The following CFAP45 variants were observed in gnomAD, a reference collection of about 807,000 sequenced individuals.
The protein encoded by CFAP45 is cilia and flagella associated protein 45.
A neutral mutation model predicts 75.6 loss-of-function variants in CFAP45; 43 were observed. The observed-to-expected ratio is 0.57, with a 90% CI of 0.45 to 0.73. The LOEUF is 0.73. Among genes scored for constraint, CFAP45 ranks in the 30% least tolerant of loss-of-function variants. The pLI is 0.00. For missense variants in CFAP45, 689 were observed against 701.5 expected (o/e 0.98, Z 0.20); for synonymous variants, 223 against 244.6 (o/e 0.91, Z 0.82).
At chr1:159,885,078 GGGA>G (rs1024650205) in intron 6 of CFAP45, among the ~76,000 whole-genome samples, 1 of 152,158 alleles carries the variant, frequency 6.6e-6, no homozygotes, top group Non-Finnish European at 1.5e-5. Flanking sequence ...CTGGAAGAAC[GGGA>G]GAAGACACAT....
Position 159,888,385 on chromosome 1 carries a change from G to T in CFAP45, c.384C>A (p.Asp128Glu). 1 of 1,613,902 alleles carries T rather than the reference G, an allele frequency of 6.2e-7. No individual in the cohort carries two copies. The highest frequency in any genetic ancestry group is 1.1e-5 in the South Asian group (1 of 91,074). ...VLTREELEAR[D>E]QAFKKEKEAT... ...CTTCCTTCTCCTTCTTGAAGGCCTG[G>T]TCCCTGGCCTCAAGTTCTTCTCTGG... The change falls in exon 4 of 12, where the codon GAC becomes GAA. Residue 128 changes from aspartate (D) to glutamate (E), a missense_variant. Asp to Glu is a conservative substitution (Grantham distance 45). Transcript: ENST00000368099.
At chr1:159,888,567 G>T (rs912598252) in intron 3 of CFAP45, 71 bp from the exon 4 acceptor site, 28 of 1,405,644 alleles carry the variant, frequency 2.0e-5, no homozygotes, top group Non-Finnish European at 2.8e-5. Flanking sequence ...AGGCTTCTCT[G>T]CTCTCTTCCC....
chr1:159,890,079 G>A (rs1649789689), intron 3 of CFAP45, among the ~76,000 whole-genome samples: 1 of 152,170 alleles, frequency 6.6e-6, no homozygotes. Context: ...TAGGCATCTG[G>A]TCAGTTTCCC....
chr1:159,891,061 G>A (rs1456831172), intron 2 of CFAP45, among the ~76,000 whole-genome samples: 1 of 152,140 alleles, frequency 6.6e-6, no homozygotes, highest in Admixed American at 6.6e-5. Flanking sequence ...GCCCAGCCCT[G>A]ACCAGCTTTT....
At chr1:159,887,809 G>C in intron 5 of CFAP45, 32 bp downstream of exon 5, 1 of 1,532,440 alleles carries the variant, frequency 6.5e-7, no homozygotes, top group Non-Finnish European at 8.9e-7. Flanking sequence ...GGCAGTGAAT[G>C]CTCAGAGGGA....
In CFAP45 at chr1:159,891,347, C is replaced by T. The variant is rs143400586; in HGVS notation, c.130-725G>A. On this transcript the variant is annotated intron_variant, in intron 2 of 11. Coordinates refer to ENST00000368099, the MANE Select transcript of CFAP45 (RefSeq NM_012337.3). The stretch of plus-strand genomic sequence containing the variant: ...ATTGGTAATTTTAAATTCTTTCTTA[C>T]GATTAAATTACTTTAACCCCCACAA... 2.1e-3 allele frequency among the ~76,000 whole-genome samples: 327 copies of T among 152,206 alleles called. 2 individuals carry two copies. The South Asian group carries it at 0.023, about 11-fold the overall frequency.
At chr1:159,888,080 C>T in intron 4 of CFAP45, 69 bp from the exon 5 acceptor site, 6 of 1,528,150 alleles carry the variant, frequency 3.9e-6, no homozygotes, top group Non-Finnish European at 5.4e-6. Context: ...GCTAGCCTGG[C>T]TACCACAGGT....
chr1:159,873,350 C>T (rs566600027), intron 10 of CFAP45, 182 bp from the exon 11 acceptor site: 4 of 604,282 alleles, frequency 6.6e-6, no homozygotes, highest in Non-Finnish European at 1.2e-5. Context: ...CACATGCATG[C>T]CCCCTTCTCC....
intron 8 of CFAP45, among the ~76,000 whole-genome samples, chr1:159,878,747 T>C (rs1375206216): frequency 1.1e-4 from 2 of 18,444 alleles, no homozygotes; most frequent in Non-Finnish European, 2.0e-4. Flanking sequence ...AGAGCAAGAC[T>C]ACATCTAAAA....
At position 159,877,410 on chromosome 1, in the gene CFAP45, T is replaced by C. The variant is rs148927436; in HGVS notation, c.1097A>G (p.Glu366Gly). 1.1e-5 allele frequency: 18 copies of C among 1,614,042 alleles called. No homozygotes were observed. The highest frequency in any genetic ancestry group is 5.3e-5 in the African/African-American group (4 of 74,920). ...AEQERIRREK[E>G]KEIARLRAMQ... Reference sequence around the variant, plus strand: ...GGCCCTCAAGCGTGCGATCTCCTTCTCTTTCTCCCTCCGGATTCTCTCCTG... The same window carrying C: ...GGCCCTCAAGCGTGCGATCTCCTTCCCTTTCTCCCTCCGGATTCTCTCCTG... The change falls in exon 9 of 12, where the codon GAG becomes GGG. Residue 366 changes from glutamate (E) to glycine (G), a missense_variant. Transcript: ENST00000368099.
chr1:159,885,145 C>T (rs1021884210), intron 6 of CFAP45, among the ~76,000 whole-genome samples: 3 of 152,136 alleles, frequency 2.0e-5, no homozygotes, highest in Admixed American at 2.0e-4. Context: ...AGATGGAGTG[C>T]TCGAATGGCT....
chr1:159,896,704 C>T (rs370770267), intron 1 of CFAP45, among the ~76,000 whole-genome samples: 4 of 152,100 alleles, frequency 2.6e-5, no homozygotes, highest in East Asian at 3.9e-4. Flanking sequence ...GCTGAGAAGG[C>T]AGGGGGTCTG....
intron 3 of CFAP45, among the ~76,000 whole-genome samples, chr1:159,888,887 T>C (rs963008134): frequency 2.0e-5 from 3 of 152,108 alleles, no homozygotes; most frequent in Admixed American, 2.0e-4. Flanking sequence ...CAGCTCTGTT[T>C]CCTTTATGAG....
intron 10 of CFAP45, 125 bp from the exon 11 acceptor site, chr1:159,873,293 C>T: frequency 1.4e-6 from 1 of 717,376 alleles, no homozygotes; most frequent in Non-Finnish European, 2.3e-6. Flanking sequence ...GCCCTCTGGG[C>T]TCCAGCCCCA....
In CFAP45 at chr1:159,877,381, G is replaced by C; in HGVS notation, c.1126C>G (p.Gln376Glu). The change falls in exon 9 of 12, where the codon CAG becomes GAG. Residue 376 changes from glutamine to glutamate, a missense_variant. Transcript: ENST00000368099. ...EKEIARLRAMQEKAQDYQAEQ... is the reference protein window; with the variant it reads ...EKEIARLRAMEEKAQDYQAEQ... Reference sequence around the variant, plus strand: ...GCCTGGTAATCCTGGGCCTTCTCCTGCATGGCCCTCAAGCGTGCGATCTCC... The same window carrying C: ...GCCTGGTAATCCTGGGCCTTCTCCTCCATGGCCCTCAAGCGTGCGATCTCC... 6.2e-7 allele frequency: 1 copy of C among 1,613,410 alleles called. No individual in the cohort carries two copies. Among genetic ancestry groups the C allele is most frequent in the South Asian group, 1.1e-5 (1 of 91,072 alleles).
intron 10 of CFAP45, 110 bp from the exon 11 acceptor site, chr1:159,873,278 C>A (rs1649324351): frequency 2.5e-6 from 2 of 815,396 alleles, no homozygotes; most frequent in African/African-American, 1.7e-5. Flanking sequence ...GCCTCAGAGA[C>A]CACAGCCCTC....
At chr1:159,888,312 C>T in intron 4 of CFAP45, 40 bp downstream of exon 4, 1 of 1,599,592 alleles carries the variant, frequency 6.3e-7, no homozygotes, top group South Asian at 1.1e-5. Context: ...TTGATTCTGC[C>T]ACCCATCTGC....
At chr1:159,893,729 T>A (rs1649882034) in intron 1 of CFAP45, among the ~76,000 whole-genome samples, 1 of 152,084 alleles carries the variant, frequency 6.6e-6, no homozygotes, top group Admixed American at 6.6e-5. Flanking sequence ...ATGTACTGTA[T>A]ATCTCAAAAG....
At chr1:159,872,623 GA>G in intron 11 of CFAP45, 60 bp from the exon 12 acceptor site, 1 of 1,460,970 alleles carries the variant, frequency 6.8e-7, no homozygotes, top group Non-Finnish European at 9.6e-7. Context: ...GAGGTGGGAG[GA>G]AGCAGGCTCT....
Sources: gnomAD v4.1 joint callset for allele counts (sites outside exome capture counted in the v4.1 genomes callset) on GRCh38, gnomAD v4.1.1 for gene constraint, MANE v1.5 for transcripts, NCBI Gene and HGNC (gene_info 2026-07-23, HGNC 2026-07-21) for gene names.